Variants in ADAM12 observed in about 807,000 individuals in gnomAD.
ADAM12 encodes the protein disintegrin and metalloproteinase domain-containing protein 12.
ADAM12 carries 70 observed loss-of-function variants against 106.4 expected under a neutral mutation model. The ratio of observed to expected loss-of-function variants is 0.66; its 90% CI spans 0.54 to 0.80. The LOEUF is 0.80. Ranked by LOEUF, ADAM12 falls within the 30% of genes least tolerant of loss-of-function variation. ADAM12 has a pLI of 0.00. For missense variants in ADAM12, 1,010 were observed against 1,171.9 expected (o/e 0.86, Z 2.02); for synonymous variants, 420 against 433.5 (o/e 0.97, Z 0.39).
intron 3 of ADAM12, among the ~76,000 whole-genome samples, chr10:126,160,018 G>A (rs1409748363): frequency 1.3e-5 from 2 of 152,114 alleles, no homozygotes; most frequent in South Asian, 2.1e-4. Flanking sequence ...GTTCCTTTTC[G>A]AGTTTTTCTT....
rs758012398 is a variant in ADAM12 at position 126,388,116 on chromosome 10, GGGGGACACGGGCA to G, written c.17_29del (p.Leu6ProfsTer22). 3 of 1,224,186 alleles carry G rather than the reference GGGGGACACGGGCA, an allele frequency of 2.5e-6. No homozygotes were observed. The highest frequency in any genetic ancestry group is 3.1e-6 in the Non-Finnish European group (3 of 982,586). The allele number at this position is 1,224,186 out of a possible 1,614,324, so 75.8% of individuals were successfully genotyped here. ...CCAGGGCGAGCAGGAGGGCGCGGGC[GGGGGACACGGGCA>G]GCGGGCGCGCTGCCATCGTCGCCGG... On this transcript the variant is annotated frameshift_variant, in exon 1 of 23. Transcript: ENST00000448723. LOFTEE classifies it high-confidence loss of function. This position sits in a 1 kb window ranked among gnomAD's most constrained non-coding sequence, Gnocchi z 4.4.
At chr10:126,047,535 T>C (rs2133431471) in intron 16 of ADAM12, among the ~76,000 whole-genome samples, 1 of 152,278 alleles carries the variant, frequency 6.6e-6, no homozygotes, top group South Asian at 2.1e-4. Context: ...GATGATAAAT[T>C]GAGCCCTTGG....
intron 3 of ADAM12, among the ~76,000 whole-genome samples, chr10:126,165,606 A>T (rs1179141485): frequency 6.6e-6 from 1 of 152,148 alleles, no homozygotes. Context: ...AGCCCTGGAG[A>T]CTAAACTTGA....
chr10:126,281,007 C>T (rs1209514840), intron 2 of ADAM12, among the ~76,000 whole-genome samples: 1 of 152,086 alleles, frequency 6.6e-6, no homozygotes, highest in Non-Finnish European at 1.5e-5. Context: ...TGTTCTTATG[C>T]CCTTACAGGT....
Position 126,126,577 on chromosome 10 carries a change from A to C in ADAM12, c.417-8353T>G, listed in dbSNP as rs543067229. 5.3e-5 allele frequency among the ~76,000 whole-genome samples: 8 copies of C among 151,288 alleles called. No homozygotes were observed. The South Asian group carries it at 1.7e-3, about 32-fold the overall frequency. On this transcript the variant is annotated intron_variant, in intron 5 of 22. Transcript: ENST00000448723. ...AGGCTTTGACAAGTAAGCCATGGAG[A>C]GCCAAGGTGGGCTGGAGTGCAATGG...
intron 14 of ADAM12, among the ~76,000 whole-genome samples, chr10:126,051,199 T>A (rs1490295348): frequency 6.6e-6 from 1 of 152,224 alleles, no homozygotes; most frequent in Non-Finnish European, 1.5e-5. Context: ...GCAGCACTTT[T>A]GATCAAAGTA....
intron 17 of ADAM12, among the ~76,000 whole-genome samples, chr10:126,044,405 G>T (rs1386984302): frequency 6.6e-6 from 1 of 152,208 alleles, no homozygotes; most frequent in Admixed American, 6.5e-5. Flanking sequence ...TGATTGGGAA[G>T]AGCTGCAGAG....
At chr10:126,179,381 T>C (rs1227890236) in intron 3 of ADAM12, among the ~76,000 whole-genome samples, 1 of 152,204 alleles carries the variant, frequency 6.6e-6, no homozygotes, top group Non-Finnish European at 1.5e-5. Context: ...TCTTTACACA[T>C]TGGGCTCAAA....
intron 2 of ADAM12, among the ~76,000 whole-genome samples, chr10:126,298,411 A>C (rs1410362200): frequency 6.6e-6 from 1 of 152,244 alleles, no homozygotes; most frequent in Non-Finnish European, 1.5e-5. Flanking sequence ...AATAGGTTCA[A>C]TGGCATTTTA....
rs753151486 is a variant in ADAM12, at chr10:126,101,161, C to G, written c.822G>C (p.Gln274His). The change falls in exon 9 of 23, where the codon CAG becomes CAC. Residue 274 changes from glutamine to histidine, a missense_variant. Physicochemically the swap from Gln to His is conservative, Grantham distance 24. Coordinates refer to ENST00000448723, the MANE Select transcript of ADAM12 (RefSeq NM_001288973.2). ...ATTCATGGAGGCTGGTGAATGGGTC[C>G]TGACTTACAGAGCATTTGTCCATGT... ...WNDMDKCSVS[Q>H]DPFTSLHEFL... The G allele has an allele frequency of 6.2e-6, 10 of 1,614,132 alleles. No individual in the cohort carries two copies. In the South Asian group the frequency reaches 8.8e-5, roughly 14 times the overall value.
At chr10:126,019,304 C>G (rs1953716002) in intron 22 of ADAM12, among the ~76,000 whole-genome samples, 1 of 152,140 alleles carries the variant, frequency 6.6e-6, no homozygotes, top group African/African-American at 2.4e-5. Flanking sequence ...TAGGAATTAC[C>G]CAGTCTTCGA....
intron 1 of ADAM12, among the ~76,000 whole-genome samples, chr10:126,386,052 G>A (rs1307627638): frequency 6.6e-6 from 1 of 152,132 alleles, no homozygotes; most frequent in African/African-American, 2.4e-5. Flanking sequence ...TGGGTAGGTG[G>A]GAATATACTT....
At chr10:126,102,013 T>G (rs1393786746) in intron 8 of ADAM12, among the ~76,000 whole-genome samples, 1 of 152,158 alleles carries the variant, frequency 6.6e-6, no homozygotes, top group Non-Finnish European at 1.5e-5. Context: ...TGGGTGTTCC[T>G]GACTTCAGCC....
chr10:126,243,974 A>C (rs1226774751), intron 3 of ADAM12, among the ~76,000 whole-genome samples: 3 of 152,224 alleles, frequency 2.0e-5, no homozygotes, highest in Non-Finnish European at 2.9e-5. Context: ...CCGGGGGATG[A>C]CATTGCACCA....
At chr10:126,315,289 A>G (rs1357788310) in intron 2 of ADAM12, among the ~76,000 whole-genome samples, 2 of 152,138 alleles carry the variant, frequency 1.3e-5, no homozygotes, top group Admixed American at 1.3e-4. Flanking sequence ...TTTTATAGGA[A>G]AAGATCTTTA....
At chr10:126,153,504 T>C (rs1041391313) in intron 4 of ADAM12, among the ~76,000 whole-genome samples, 1 of 152,208 alleles carries the variant, frequency 6.6e-6, no homozygotes, top group Non-Finnish European at 1.5e-5. Flanking sequence ...TGTGTGTGTT[T>C]TTAAATTTTA....
intron 14 of ADAM12, among the ~76,000 whole-genome samples, chr10:126,058,324 G>A (rs1278264): frequency 0.4 from 61,024 of 152,142 alleles, 12,616 homozygotes; most frequent in East Asian, 0.51. Flanking sequence ...CATGTCTCCA[G>A]TGCCCTTCCC....
At position 126,121,238 on chromosome 10, in the gene ADAM12, C is replaced by G. The variant is rs1202243191; in HGVS notation, c.417-3014G>C. ...TATATTATATACTATAGTATATATA[C>G]TATATAGTATATACATACTATATAT... On this transcript the variant is annotated intron_variant, in intron 5 of 22. Coordinates refer to ENST00000448723, the MANE Select transcript of ADAM12 (RefSeq NM_001288973.2). Among the ~76,000 whole-genome samples the G allele has an allele frequency of 8.9e-5, 9 of 101,252 alleles. No homozygotes were observed. In the East Asian group the frequency reaches 1.8e-3, roughly 21 times the overall value. The allele number at this position is 101,252 out of a possible 152,430, so 66.4% of individuals were successfully genotyped here. A position where few individuals can be genotyped will look rare whatever the true frequency, so the allele number is the denominator to read the frequency against.
chr10:126,038,851 A>T (rs1467248612), intron 19 of ADAM12, among the ~76,000 whole-genome samples: 1 of 151,890 alleles, frequency 6.6e-6, no homozygotes, highest in Admixed American at 6.6e-5. Flanking sequence ...GAAACCCCCC[A>T]AAAAAGAACC....
Sources: allele counts gnomAD v4.1 joint callset (sites outside exome capture counted in the v4.1 genomes callset), GRCh38; gene constraint gnomAD v4.1.1; non-coding constraint Gnocchi (gnomAD v3.1); transcripts MANE v1.5; gene names NCBI Gene and HGNC (gene_info 2026-07-23, HGNC 2026-07-21).